BCKDHB: variants seen among roughly 807,000 people sequenced by gnomAD.
The protein encoded by BCKDHB is branched chain keto acid dehydrogenase E1 subunit beta, also known as 2-oxoisovalerate dehydrogenase subunit beta, mitochondrial.
In BCKDHB, 41 loss-of-function variants were observed where a neutral mutation model predicts 48.5. That is an observed-to-expected ratio of 0.85 (90% CI 0.66 to 1.10). The LOEUF is 1.10. Among genes scored for constraint, BCKDHB ranks in the 50% least tolerant of loss-of-function variants. BCKDHB has a pLI of 0.00. For synonymous variants in BCKDHB, 201 were observed against 174.8 expected, an observed-to-expected ratio of 1.15 and a Z score of -1.18; for missense variants, 496 against 494.2, an observed-to-expected ratio of 1.00 and a Z score of -0.03.
intron 1 of BCKDHB, among the ~76,000 whole-genome samples, chr6:80,123,414 T>C (rs1052947189): frequency 9.2e-5 from 14 of 152,200 alleles, no homozygotes; most frequent in Non-Finnish European, 1.8e-4. Context: ...CTGTCATGGC[T>C]CCAGCCAGTC....
At chr6:80,207,218 T>G (rs952989457) in intron 8 of BCKDHB, among the ~76,000 whole-genome samples, 2 of 151,868 alleles carry the variant, frequency 1.3e-5, no homozygotes, top group Non-Finnish European at 2.9e-5. Flanking sequence ...TTAGTGAAGT[T>G]TAAGTTAAAT....
chr6:80,168,293 A>G (rs1166963428), intron 4 of BCKDHB, among the ~76,000 whole-genome samples: 1 of 150,954 alleles, frequency 6.6e-6, no homozygotes, highest in Admixed American at 6.6e-5. Flanking sequence ...AAAAGAAAAG[A>G]AGAGAGAAAG....
chr6:80,380,388 G>C, the BCKDHB span, among the ~76,000 whole-genome samples: 1 of 151,926 alleles, frequency 6.6e-6, no homozygotes, highest in African/African-American at 2.4e-5. Flanking sequence ...GCTATCTGTG[G>C]AAGGATAAAG....
chr6:80,321,336 T>G (rs919834383), intron 9 of BCKDHB, among the ~76,000 whole-genome samples: 7 of 152,206 alleles, frequency 4.6e-5, no homozygotes, highest in Admixed American at 1.3e-4. Context: ...TAACTTGGGA[T>G]CTTTCCTCAA....
chr6:80,334,733 T>G (rs1769485553), intron 9 of BCKDHB, among the ~76,000 whole-genome samples: 1 of 152,018 alleles, frequency 6.6e-6, no homozygotes, highest in Non-Finnish European at 1.5e-5. Context: ...CCTTTTCTTG[T>G]CTTTTTTATG....
chr6:80,208,110 G>C (rs1179085102), intron 8 of BCKDHB, among the ~76,000 whole-genome samples: 12 of 151,712 alleles, frequency 7.9e-5, no homozygotes, highest in Admixed American at 7.9e-4. Flanking sequence ...AATTCCAAAA[G>C]CTTGGAGTCA....
chr6:80,111,465 C>G (rs1194103328), intron 1 of BCKDHB, among the ~76,000 whole-genome samples: 1 of 152,192 alleles, frequency 6.6e-6, no homozygotes, highest in Non-Finnish European at 1.5e-5. Context: ...TGGCAGGGGA[C>G]TGGCAGGGGC....
chr6:80,283,446 AATTCAAAGGTGC>A, intron 9 of BCKDHB, among the ~76,000 whole-genome samples: 1 of 152,154 alleles, frequency 6.6e-6, no homozygotes, highest in African/African-American at 2.4e-5. Context: ...GTCCCCCTTG[AATTCAAAGGTGC>A]ATTCATACCA....
chr6:80,398,655 A>T, the BCKDHB span, among the ~76,000 whole-genome samples: 1 of 151,956 alleles, frequency 6.6e-6, no homozygotes, highest in African/African-American at 2.4e-5. Context: ...ATTCTACCAG[A>T]TGTACAACAA....
At chr6:80,368,260 T>C in the BCKDHB span, among the ~76,000 whole-genome samples, 1 of 152,228 alleles carries the variant, frequency 6.6e-6, no homozygotes, top group Non-Finnish European at 1.5e-5. Context: ...CCCCTAAAGC[T>C]GTTCTTCCTG....
At chr6:80,394,500 T>G in the BCKDHB span, among the ~76,000 whole-genome samples, 13 of 152,270 alleles carry the variant, frequency 8.5e-5, no homozygotes, top group East Asian at 2.5e-3. Flanking sequence ...GCATCTCCTG[T>G]GCTCCATTGT....
intron 6 of BCKDHB, among the ~76,000 whole-genome samples, chr6:80,172,030 T>C (rs1772942500): frequency 6.6e-6 from 1 of 152,138 alleles, no homozygotes; most frequent in South Asian, 2.1e-4. Flanking sequence ...GGATCCATTC[T>C]CCCTATGCCA....
chr6:80,464,564 A>G, the BCKDHB span, among the ~76,000 whole-genome samples: 1 of 152,200 alleles, frequency 6.6e-6, no homozygotes, highest in Admixed American at 6.5e-5. Context: ...CTTAATATCT[A>G]ATAAAAATTC....
the BCKDHB span, among the ~76,000 whole-genome samples, chr6:80,459,022 A>G: frequency 9.8e-5 from 15 of 152,324 alleles, no homozygotes; most frequent in Non-Finnish European, 1.6e-4. Context: ...CCGTTGTGCA[A>G]TGTTGATGGG....
intron 8 of BCKDHB, among the ~76,000 whole-genome samples, chr6:80,226,275 C>T (rs1363475700): frequency 6.6e-6 from 1 of 152,154 alleles, no homozygotes; most frequent in African/African-American, 2.4e-5. Context: ...CATATAGGGG[C>T]ATTCAACGAG....
intron 9 of BCKDHB, among the ~76,000 whole-genome samples, chr6:80,316,783 G>A (rs76867700): frequency 0.046 from 6,987 of 152,204 alleles, 531 homozygotes; most frequent in African/African-American, 0.16. Flanking sequence ...GAGCTTTGTG[G>A]ACTGCCTTCT....
rs140718593 is a variant in BCKDHB, at chr6:80,278,228, A to G, written c.1038+5007A>G. Among the ~76,000 whole-genome samples the G allele has an allele frequency of 1.7e-4, 26 of 152,328 alleles. 1 individual carries two copies. The East Asian group carries it at 3.1e-3, about 18-fold the overall frequency. Reference sequence around the variant, plus strand: ...AAACCTTTCCTAATAGCAACAGATAAAACAATCAGGAGAAGTATACTTCTG... The same window carrying G: ...AAACCTTTCCTAATAGCAACAGATAGAACAATCAGGAGAAGTATACTTCTG... On this transcript the variant is annotated intron_variant, in intron 9 of 9. Transcript: ENST00000320393.
chr6:80,215,059 A>G (rs1188269602), intron 8 of BCKDHB, among the ~76,000 whole-genome samples: 1 of 152,234 alleles, frequency 6.6e-6, no homozygotes, highest in South Asian at 2.1e-4. Context: ...TCATGCTTAT[A>G]ATAAGCCTCT....
chr6:80,401,793 A>G, the BCKDHB span, among the ~76,000 whole-genome samples: 4 of 151,944 alleles, frequency 2.6e-5, no homozygotes, highest in South Asian at 8.3e-4. Context: ...GTGAGTTTGA[A>G]TATTTTAGAT....
Sources: allele counts gnomAD v4.1 joint callset (sites outside exome capture counted in the v4.1 genomes callset), GRCh38; gene constraint gnomAD v4.1.1; transcripts MANE v1.5; gene names NCBI Gene and HGNC (gene_info 2026-07-23, HGNC 2026-07-21).